SLC26A9: variants seen among roughly 807,000 people sequenced by gnomAD.
The protein encoded by SLC26A9 is solute carrier family 26 member 9.
SLC26A9 carries 46 observed loss-of-function variants against 87.1 expected under a neutral mutation model. The observed-to-expected ratio is 0.53, with a 90% CI of 0.42 to 0.67. SLC26A9 has a LOEUF of 0.67. Ranked by LOEUF, SLC26A9 falls within the 30% of genes least tolerant of loss-of-function variation. The pLI is 0.00. For synonymous variants in SLC26A9, 437 were observed against 409.1 expected, an observed-to-expected ratio of 1.07 and a Z score of -0.82; for missense variants, 927 against 1,018.3, an observed-to-expected ratio of 0.91 and a Z score of 1.22.
At chr1:205,930,083 G>A (rs375307335) in intron 5 of SLC26A9, 27 bp from the exon 6 acceptor site, 7 of 1,576,362 alleles carry the variant, frequency 4.4e-6, no homozygotes, top group Non-Finnish European at 6.1e-6. Context: ...GGTGGTTGGT[G>A]GCGGAAGACC....
At chr1:205,925,999 G>C (rs1659049598) in intron 12 of SLC26A9, among the ~76,000 whole-genome samples, 1 of 152,192 alleles carries the variant, frequency 6.6e-6, no homozygotes, top group East Asian at 1.9e-4. Flanking sequence ...ACCAGCGTTT[G>C]ACGCAACCAT....
rs373030586 is a variant in SLC26A9 at position 205,927,884 on chromosome 1, G to A, written c.1101+18C>T. 1.4e-5 allele frequency: 22 copies of A among 1,611,884 alleles called. No individual in the cohort carries two copies. The highest frequency in any genetic ancestry group is 8.0e-5 in the African/African-American group (6 of 74,894). ...TTGACCTGTCCTGCCCAGTCCTGCC[G>A]GGGGTGGCCAGAGCTACCTGGTTCG... is the stretch of plus-strand genomic sequence containing the variant. On this transcript the variant is annotated intron_variant, in intron 9 of 20. Transcript: ENST00000367135.
chr1:205,924,083 G>A (rs1288344756), intron 13 of SLC26A9, among the ~76,000 whole-genome samples: 1 of 152,168 alleles, frequency 6.6e-6, no homozygotes, highest in Non-Finnish European at 1.5e-5. Context: ...TCTTTGGAAG[G>A]ATGTTGAATC....
chr1:205,938,842 T>A (rs988809441), intron 1 of SLC26A9, among the ~76,000 whole-genome samples: 1 of 152,198 alleles, frequency 6.6e-6, no homozygotes, highest in African/African-American at 2.4e-5. Context: ...ACACTAGTGT[T>A]GGCTTTGGCC....
intron 1 of SLC26A9, among the ~76,000 whole-genome samples, 200 bp downstream of exon 1, chr1:205,943,165 A>G (rs1011253916): frequency 2.1e-4 from 32 of 152,184 alleles, no homozygotes; most frequent in African/African-American, 7.0e-4. Flanking sequence ...GTCCTTACAT[A>G]GACGTGAAGA....
At position 205,935,524 on chromosome 1, in the gene SLC26A9, G is replaced by A. The variant is rs191452596; in HGVS notation, c.125+172C>T. On this transcript the variant is annotated intron_variant, in intron 2 of 20. Coordinates refer to ENST00000367135, the MANE Select transcript of SLC26A9 (RefSeq NM_052934.4). ...CTCCTGCTCCCCATCCTCCCTGGGG[G>A]TCTCAGTACAGATGAGGTTGTAGGA... is the stretch of plus-strand genomic sequence containing the variant. 94 of 984,182 alleles carry A rather than the reference G, an allele frequency of 9.6e-5. No individual in the cohort carries two copies. In the East Asian group the frequency reaches 2.4e-3, roughly 25 times the overall value. 61.0% of individuals were successfully genotyped at this position (984,182 alleles called of 1,614,324 possible).
chr1:205,935,316 G>T, intron 2 of SLC26A9: 1 of 159,436 alleles, frequency 6.3e-6, no homozygotes. Context: ...GGTAACTTCA[G>T]GTATTTTTTG....
Position 205,931,945 on chromosome 1 carries a change from T to A in SLC26A9, c.467A>T (p.Asn156Ile), listed in dbSNP as rs1281806892. Reference protein sequence around the residue: ...SKFQVFNNATNESYVDTAAME... With the variant: ...SKFQVFNNATIESYVDTAAME... The stretch of plus-strand genomic sequence containing the variant: ...GGCTGCTGTGTCCACATAGCTCTCA[T>A]TGGTGGCATTGTTGAAGACCTGGAA... Residue 156 changes from asparagine to isoleucine, a missense_variant, in exon 5 of 21, where the codon AAT becomes ATT. Asn to Ile is a moderately radical substitution (Grantham distance 149). Coordinates refer to ENST00000367135, the MANE Select transcript of SLC26A9 (RefSeq NM_052934.4). The A allele has an allele frequency of 6.2e-7, 1 of 1,614,230 alleles. No individual in the cohort carries two copies. Among genetic ancestry groups the A allele is most frequent in the South Asian group, 1.1e-5 (1 of 91,082 alleles).
intron 5 of SLC26A9, 99 bp downstream of exon 5, chr1:205,931,761 C>T: frequency 6.8e-7 from 1 of 1,464,854 alleles, no homozygotes; most frequent in Non-Finnish European, 9.1e-7. Flanking sequence ...GCCTCCACAC[C>T]CAGCCCCCTA....
chr1:205,925,995 G>A (rs976759797), intron 12 of SLC26A9, among the ~76,000 whole-genome samples: 3 of 152,178 alleles, frequency 2.0e-5, no homozygotes, highest in Non-Finnish European at 2.9e-5. Flanking sequence ...CGGAACCAGC[G>A]TTTGACGCAA....
rs1272175680 is a variant in SLC26A9 at position 205,917,369 on chromosome 1, G to T, written c.2257-15C>A. 1.2e-6 allele frequency: 2 copies of T among 1,613,934 alleles called. No individual in the cohort carries two copies. The highest frequency in any genetic ancestry group is 1.7e-6 in the Non-Finnish European group (2 of 1,179,866). On this transcript the variant is annotated splice_polypyrimidine_tract_variant and intron_variant, in intron 19 of 20. Transcript: ENST00000367135. Reference sequence around the variant, plus strand: ...TCCCCTGGAGCCTGGAAGGGAGGAAGCCAGTGCAGAATGAGCTTCAGTGAC... The same window carrying T: ...TCCCCTGGAGCCTGGAAGGGAGGAATCCAGTGCAGAATGAGCTTCAGTGAC...
chr1:205,922,764 G>T (rs983535749), intron 16 of SLC26A9, among the ~76,000 whole-genome samples: 5 of 152,218 alleles, frequency 3.3e-5, no homozygotes, highest in African/African-American at 1.2e-4. Flanking sequence ...TTAGCTGGGT[G>T]TGGTGGCACC....
At chr1:205,927,741 G>C in intron 9 of SLC26A9, 136 bp from the exon 10 acceptor site, 1 of 1,393,992 alleles carries the variant, frequency 7.2e-7, no homozygotes, top group Non-Finnish European at 9.9e-7. Flanking sequence ...CACATTCCCA[G>C]TCAAGAGGAG....
intron 8 of SLC26A9, 155 bp from the exon 9 acceptor site, chr1:205,928,204 C>A: frequency 1.2e-6 from 1 of 857,270 alleles, no homozygotes; most frequent in Non-Finnish European, 1.8e-6. Flanking sequence ...AGCACCACCC[C>A]ATAGGGTAGG....
At chr1:205,935,491 G>A (rs1266257977) in intron 2 of SLC26A9, 2 of 620,314 alleles carry the variant, frequency 3.2e-6, no homozygotes, top group African/African-American at 3.7e-5. Flanking sequence ...CCTTCTGGAT[G>A]GTTCTTGCTC....
At chr1:205,928,702 C>G (rs1659181328) in intron 8 of SLC26A9, 125 bp downstream of exon 8, 1 of 842,638 alleles carries the variant, frequency 1.2e-6, no homozygotes, top group Non-Finnish European at 1.9e-6. Context: ...ATAATTCATA[C>G]ATGGTCAGTG....
chr1:205,942,298 G>A (rs61707153), intron 1 of SLC26A9, among the ~76,000 whole-genome samples: 5,282 of 152,264 alleles, frequency 0.035, 290 homozygotes, highest in African/African-American at 0.11. Flanking sequence ...TGGTCTCCAT[G>A]CTGCCCAAGC....
chr1:205,923,076 A>C lies in SLC26A9; in HGVS notation c.1773+6T>G. The C allele has an allele frequency of 6.2e-7, 1 of 1,613,528 alleles. No individual in the cohort carries two copies. Among genetic ancestry groups the C allele is most frequent in the Non-Finnish European group, 8.5e-7 (1 of 1,179,530 alleles). ...GGGCACGGGGCTGCTTCTGGCCTTCATTCACCTTGGTTTTCATGAATAGAG... is the reference window on the plus strand; with the variant it reads ...GGGCACGGGGCTGCTTCTGGCCTTCCTTCACCTTGGTTTTCATGAATAGAG... On this transcript the variant is annotated splice_donor_region_variant and intron_variant, in intron 16 of 20. Transcript: ENST00000367135.
chr1:205,930,145 GCTC>G, intron 5 of SLC26A9, 89 bp from the exon 6 acceptor site: 1 of 1,393,926 alleles, frequency 7.2e-7, no homozygotes, highest in South Asian at 1.4e-5. Flanking sequence ...CAGGTCTGGA[GCTC>G]CGTGCAGTCC....
Sources: gnomAD v4.1 joint callset for allele counts (sites outside exome capture counted in the v4.1 genomes callset) on GRCh38, gnomAD v4.1.1 for gene constraint, MANE v1.5 for transcripts, NCBI Gene and HGNC (gene_info 2026-07-23, HGNC 2026-07-21) for gene names.